The following TGFBR3 variants were observed in gnomAD, a reference collection of about 807,000 sequenced individuals.
The protein encoded by TGFBR3 is transforming growth factor beta receptor 3.
In TGFBR3, 46 loss-of-function variants were observed where a neutral mutation model predicts 87.9. The ratio of observed to expected loss-of-function variants is 0.52; its 90% CI spans 0.41 to 0.67. TGFBR3 has a LOEUF of 0.67. Among genes scored for constraint, TGFBR3 ranks in the 30% least tolerant of loss-of-function variants. The probability of loss-of-function intolerance (pLI) is 0.00; values close to 1 mark genes in which losing one functional copy is unlikely to be tolerated. For synonymous variants in TGFBR3, 381 were observed against 391.6 expected, an observed-to-expected ratio of 0.97 and a Z score of 0.32; for missense variants, 866 against 1,041.9, an observed-to-expected ratio of 0.83 and a Z score of 2.32.
rs373348385 is a variant in TGFBR3, at chr1:91,791,926, T to C, written c.246+5361A>G. Reference sequence around the variant, plus strand: ...TGCTAGTATTGTCATTTGGGGGATGTGAGAGCTGTTAAGAGGCAAGTCGAG... The same window carrying C: ...TGCTAGTATTGTCATTTGGGGGATGCGAGAGCTGTTAAGAGGCAAGTCGAG... On this transcript the variant is annotated intron_variant, in intron 3 of 16. Transcript: ENST00000212355. Among the ~76,000 whole-genome samples, 339 of 152,316 alleles carry C rather than the reference T, an allele frequency of 2.2e-3. 2 individuals are homozygous for C. The highest frequency in any genetic ancestry group is 7.6e-3 in the African/African-American group (318 of 41,582).
exon 1 of TGFBR3, chr1:91,905,984 T>C (rs1348378652): frequency 1.3e-5 from 2 of 152,066 alleles, no homozygotes; most frequent in African/African-American, 2.4e-5. Context: ...TCTTTCTTAG[T>C]AGCTACAAAT....
chr1:91,756,385 G>A (rs1264917394), intron 4 of TGFBR3, among the ~76,000 whole-genome samples: 1 of 152,124 alleles, frequency 6.6e-6, no homozygotes, highest in Non-Finnish European at 1.5e-5. Context: ...AGACAGTTTA[G>A]CATAACAGCT....
intron 3 of TGFBR3, among the ~76,000 whole-genome samples, chr1:91,771,876 G>A: frequency 6.6e-6 from 1 of 152,008 alleles, no homozygotes; most frequent in East Asian, 1.9e-4. Flanking sequence ...ACAGTTTGAT[G>A]GGGGCAGAGG....
At chr1:91,741,375 G>A (rs1023150795) in intron 4 of TGFBR3, among the ~76,000 whole-genome samples, 8 of 152,172 alleles carry the variant, frequency 5.3e-5, no homozygotes, top group African/African-American at 1.4e-4. Flanking sequence ...GTGCCCTCTC[G>A]GAGAGCGCCA....
chr1:91,799,447 C>T (rs1362743040), intron 2 of TGFBR3, among the ~76,000 whole-genome samples: 3 of 152,220 alleles, frequency 2.0e-5, no homozygotes, highest in African/African-American at 7.2e-5. Flanking sequence ...CTGCTGCCCT[C>T]ATCCTGCCCT....
chr1:91,767,131 T>C lies in TGFBR3; in HGVS notation c.247-8381A>G, dbSNP rs575335185. On this transcript the variant is annotated intron_variant, in intron 3 of 16. Coordinates refer to ENST00000212355, the MANE Select transcript of TGFBR3 (RefSeq NM_003243.5). ...CAATGAACCTATTATGGCTGTAAGA[T>C]CTCAATAAGGATTTCTGTTTAAGCA... 6.0e-5 allele frequency among the ~76,000 whole-genome samples: 8 copies of C among 133,946 alleles called. 1 individual carries two copies. In the East Asian group the frequency reaches 7.8e-4, roughly 13 times the overall value. 87.9% of individuals were successfully genotyped at this position (133,946 alleles called of 152,430 possible). A position where few individuals can be genotyped will look rare whatever the true frequency, so the allele number is the denominator to read the frequency against.
intron 2 of TGFBR3, among the ~76,000 whole-genome samples, chr1:91,821,328 CAAAAA>C (rs35313779): frequency 5.2e-5 from 4 of 77,576 alleles, no homozygotes; most frequent in Non-Finnish European, 4.8e-5. Flanking sequence ...AAGACTGTCT[CAAAAA>C]AAAAAAAAAA....
At chr1:91,784,415 G>T (rs1173650353) in intron 3 of TGFBR3, among the ~76,000 whole-genome samples, 1 of 152,148 alleles carries the variant, frequency 6.6e-6, no homozygotes, top group African/African-American at 2.4e-5. Flanking sequence ...AAAGACCCAA[G>T]ACCTAGTTCC....
chr1:91,832,728 C>T (rs961688698), intron 2 of TGFBR3, among the ~76,000 whole-genome samples: 2 of 152,172 alleles, frequency 1.3e-5, no homozygotes, highest in African/African-American at 2.4e-5. Context: ...CGGGGTCACG[C>T]ATGGTGGCTC....
At chr1:91,903,336 C>T (rs1201720276) in intron 1 of TGFBR3, among the ~76,000 whole-genome samples, 1 of 9,062 alleles carries the variant, frequency 1.1e-4, no homozygotes, top group African/African-American at 1.8e-4. Context: ...GAGATTCTGC[C>T]TCAAAAAAAA....
rs574076780 is a variant in TGFBR3, at chr1:91,769,545, C to T, written c.247-10795G>A. Among the ~76,000 whole-genome samples the T allele has an allele frequency of 3.3e-5, 5 of 152,278 alleles. No homozygotes were observed. In the East Asian group the frequency reaches 7.7e-4, roughly 23 times the overall value. On this transcript the variant is annotated intron_variant, in intron 3 of 16. Coordinates refer to ENST00000212355, the MANE Select transcript of TGFBR3 (RefSeq NM_003243.5). ...CTCACAGCACTATCATGACCAACAACATCTCCAAGGCTCACTTCACTCTAG... is the reference window on the plus strand; with the variant it reads ...CTCACAGCACTATCATGACCAACAATATCTCCAAGGCTCACTTCACTCTAG...
In TGFBR3 at chr1:91,719,326, C is replaced by A; in HGVS notation, c.1552G>T (p.Val518Phe). ...RPRWSALDGV[V>F]YYNSIVIQVP... ...AAAACACTCACGGAGTTATAGTAGA[C>A]CACACCATCAAGGGCTGACCACCGG... The change falls in exon 10 of 17, where the codon GTC becomes TTC. Residue 518 changes from valine to phenylalanine, a missense_variant. Coordinates refer to ENST00000212355, the MANE Select transcript of TGFBR3 (RefSeq NM_003243.5). 6.2e-7 allele frequency: 1 copy of A among 1,614,068 alleles called. No homozygotes were observed. The highest frequency in any genetic ancestry group is 8.5e-7 in the Non-Finnish European group (1 of 1,180,010).
intron 3 of TGFBR3, among the ~76,000 whole-genome samples, chr1:91,781,572 G>A (rs1287782543): frequency 2.0e-5 from 3 of 152,130 alleles, no homozygotes; most frequent in Admixed American, 1.3e-4. Context: ...CCGTAAGTAT[G>A]AGTCATAAAA....
intron 13 of TGFBR3, among the ~76,000 whole-genome samples, chr1:91,711,973 G>T (rs1367100278): frequency 6.6e-6 from 1 of 152,124 alleles, no homozygotes; most frequent in Non-Finnish European, 1.5e-5. Context: ...CAAAGATAAA[G>T]CCAGAAATCT....
At chr1:91,797,799 A>C (rs1675445098) in intron 2 of TGFBR3, among the ~76,000 whole-genome samples, 1 of 152,220 alleles carries the variant, frequency 6.6e-6, no homozygotes, top group Non-Finnish European at 1.5e-5. Flanking sequence ...GATAAAATAA[A>C]TTGCTTAAAG....
chr1:91,718,712 G>T (rs1008362535), intron 10 of TGFBR3, among the ~76,000 whole-genome samples: 7 of 152,210 alleles, frequency 4.6e-5, no homozygotes, highest in Non-Finnish European at 8.8e-5. Context: ...TATTGCAACG[G>T]TTTATCATTG....
chr1:91,718,261 T>A (rs1056442593), intron 10 of TGFBR3, among the ~76,000 whole-genome samples: 1 of 152,156 alleles, frequency 6.6e-6, no homozygotes, highest in Non-Finnish European at 1.5e-5. Flanking sequence ...CTGAATAAGC[T>A]CATCTTAGGG....
At chr1:91,874,031 T>C (rs960048238) in intron 1 of TGFBR3, among the ~76,000 whole-genome samples, 1 of 152,096 alleles carries the variant, frequency 6.6e-6, no homozygotes, top group African/African-American at 2.4e-5. Flanking sequence ...GCCAGGACTG[T>C]TCCAGGTGTG....
chr1:91,903,482 C>T (rs1227434531), intron 1 of TGFBR3, among the ~76,000 whole-genome samples: 1 of 151,522 alleles, frequency 6.6e-6, no homozygotes, highest in Non-Finnish European at 1.5e-5. Context: ...TATTGGCTCA[C>T]ACCTATAGTC....
Sources: allele counts gnomAD v4.1 joint callset (sites outside exome capture counted in the v4.1 genomes callset), GRCh38; gene constraint gnomAD v4.1.1; transcripts MANE v1.5; gene names NCBI Gene and HGNC (gene_info 2026-07-23, HGNC 2026-07-21).